Variants in OR1F1 observed in about 807,000 individuals in gnomAD.
The protein encoded by OR1F1 is olfactory receptor 1F1.
For missense variants in OR1F1, 493 were observed against 376.3 expected (o/e 1.31, Z -2.57); for synonymous variants, 184 against 156.7 (o/e 1.17, Z -1.30).
At chr16:3,198,572 G>T in the OR1F1 span, among the ~76,000 whole-genome samples, 1 of 152,266 alleles carries the variant, frequency 6.6e-6, no homozygotes, top group Admixed American at 6.5e-5. Flanking sequence ...TGGACCTGAT[G>T]GTGGCAGCTG....
At chr16:3,196,510 A>T in the OR1F1 span, among the ~76,000 whole-genome samples, 1 of 151,362 alleles carries the variant, frequency 6.6e-6, no homozygotes, top group Non-Finnish European at 1.5e-5. Context: ...CAGCCTCCTA[A>T]GTAGCTGGCA....
chr16:3,199,115 C>CA, the OR1F1 span, among the ~76,000 whole-genome samples: 1,266 of 52,542 alleles, frequency 0.024, 297 homozygotes, highest in East Asian at 0.079. Context: ...CCTGTCTCTA[C>CA]AAAAAAAAAA....
At chr16:3,196,284 CT>C in the OR1F1 span, among the ~76,000 whole-genome samples, 2 of 152,214 alleles carry the variant, frequency 1.3e-5, no homozygotes, top group Admixed American at 6.5e-5. Flanking sequence ...ATGGAGTACT[CT>C]CAGGTCTTTG....
upstream of OR1F1, among the ~76,000 whole-genome samples, chr16:3,203,805 T>C (rs7189629): frequency 0.044 from 6,769 of 152,246 alleles, 488 homozygotes; most frequent in African/African-American, 0.15. Flanking sequence ...ACTTCACTGA[T>C]AACTGCTTGT....
upstream of OR1F1, among the ~76,000 whole-genome samples, chr16:3,201,777 C>A (rs1173579753): frequency 6.6e-6 from 1 of 152,182 alleles, no homozygotes; most frequent in Non-Finnish European, 1.5e-5. Flanking sequence ...GCGGAAGCAG[C>A]TTTCCATAAG....
chr16:3,192,526 C>G, the OR1F1 span, among the ~76,000 whole-genome samples: 1 of 152,208 alleles, frequency 6.6e-6, no homozygotes, highest in Non-Finnish European at 1.5e-5. Context: ...TCCCGGAAGC[C>G]TCATTGGTGG....
chr16:3,203,567 C>T (rs1479992161), upstream of OR1F1, among the ~76,000 whole-genome samples: 1 of 152,164 alleles, frequency 6.6e-6, no homozygotes, highest in Non-Finnish European at 1.5e-5. Flanking sequence ...AGATAGAGAC[C>T]ATCATGGCCA....
chr16:3,199,262 C>A (rs931458110), upstream of OR1F1, among the ~76,000 whole-genome samples: 5 of 151,292 alleles, frequency 3.3e-5, no homozygotes, highest in Admixed American at 6.6e-5. Context: ...GTGTTCATAC[C>A]ACTGCATTCC....
chr16:3,203,313 G>A (rs949386668), upstream of OR1F1, among the ~76,000 whole-genome samples: 1 of 152,220 alleles, frequency 6.6e-6, no homozygotes, highest in African/African-American at 2.4e-5. Flanking sequence ...CAAGGGCTGA[G>A]TCTGTGCAGC....
At chr16:3,193,032 G>A in the OR1F1 span, among the ~76,000 whole-genome samples, 2 of 152,162 alleles carry the variant, frequency 1.3e-5, no homozygotes, top group South Asian at 2.1e-4. Context: ...CGCCTCCCAG[G>A]TTCAAGCGAT....
At chr16:3,190,623 C>G in the OR1F1 span, among the ~76,000 whole-genome samples, 1 of 151,794 alleles carries the variant, frequency 6.6e-6, no homozygotes, top group Non-Finnish European at 1.5e-5. Context: ...TGGTGGCGGG[C>G]GCCTGTAATC....
At chr16:3,199,115 CAAAAAAAAAAAAAAAAAAAAAAAAA>C in the OR1F1 span, among the ~76,000 whole-genome samples, 1 of 52,576 alleles carries the variant, frequency 1.9e-5, no homozygotes, top group African/African-American at 6.8e-5. Flanking sequence ...CCTGTCTCTA[CAAAAAAAAAAAAAAAAAAAAAAAAA>C]AAAAAAAAAA....
At chr16:3,198,104 GGAGAGGGAGAA>G in the OR1F1 span, among the ~76,000 whole-genome samples, 1 of 142,138 alleles carries the variant, frequency 7.0e-6, no homozygotes, top group Non-Finnish European at 1.6e-5. Flanking sequence ...AGAGGGAGAA[GGAGAGGGAGAA>G]GGAGAGGGAG....
chr16:3,194,023 G>A, the OR1F1 span, among the ~76,000 whole-genome samples: 3 of 152,058 alleles, frequency 2.0e-5, no homozygotes, highest in Non-Finnish European at 4.4e-5. Flanking sequence ...CTTGGGGTAA[G>A]GTATCACGCC....
At chr16:3,195,184 C>T in the OR1F1 span, among the ~76,000 whole-genome samples, 16 of 152,228 alleles carry the variant, frequency 1.1e-4, no homozygotes, top group Admixed American at 5.2e-4. Flanking sequence ...CGCTCTCCCC[C>T]CAACCGTTCC....
chr16:3,193,867 C>T, the OR1F1 span, among the ~76,000 whole-genome samples: 5 of 152,142 alleles, frequency 3.3e-5, no homozygotes, highest in East Asian at 3.8e-4. Flanking sequence ...TCTAGCCACC[C>T]GCGATAAGTT....
the OR1F1 span, among the ~76,000 whole-genome samples, chr16:3,194,215 C>G: frequency 1.3e-5 from 2 of 152,162 alleles, no homozygotes; most frequent in Non-Finnish European, 2.9e-5. Flanking sequence ...CAAGAAAAAG[C>G]AATGTACAGC....
At chr16:3,200,641 C>G (rs1051439146), upstream of OR1F1, among the ~76,000 whole-genome samples, 5 of 152,122 alleles carry the variant, frequency 3.3e-5, no homozygotes, top group African/African-American at 9.7e-5. Context: ...AACAAAGAAC[C>G]AGGAAAAGGT....
exon 1 of OR1F1, chr16:3,204,564 G>T (rs1259232280): frequency 6.2e-7 from 1 of 1,614,136 alleles, no homozygotes; most frequent in Admixed American, 1.7e-5. Context: ...TCGTTTTCAT[G>T]TTCGTGGACA....
Sources: gnomAD v4.1 joint callset for allele counts (sites outside exome capture counted in the v4.1 genomes callset) on GRCh38, gnomAD v4.1.1 for gene constraint, MANE v1.5 for transcripts, NCBI Gene and HGNC (gene_info 2026-07-23, HGNC 2026-07-21) for gene names.